The following EHBP1L1 variants were observed in gnomAD, a reference collection of about 807,000 sequenced individuals.
EHBP1L1 encodes the protein EH domain-binding protein 1-like protein 1.
Under a neutral mutation model 151.1 loss-of-function variants are expected in EHBP1L1, and 122 were observed. The observed-to-expected ratio is 0.81, with a 90% CI of 0.70 to 0.94. The LOEUF (loss-of-function observed/expected upper bound fraction) is 0.94, where lower values mean the gene tolerates loss of function less well. EHBP1L1 is among the 40% of genes least tolerant of loss of function. The pLI is 0.00. For synonymous variants in EHBP1L1, 878 were observed against 810.1 expected, an observed-to-expected ratio of 1.08 and a Z score of -1.42; for missense variants, 1,941 against 1,959.8, an observed-to-expected ratio of 0.99 and a Z score of 0.18.
At chr11:65,590,319 C>T (rs1858204449) in intron 15 of EHBP1L1, 109 bp downstream of exon 15, 3 of 1,536,432 alleles carry the variant, frequency 2.0e-6, no homozygotes, top group African/African-American at 1.4e-5. Context: ...CGGCTGGCAT[C>T]AGCGTTCCCA....
At position 65,581,126 on chromosome 11, in the gene EHBP1L1, G is replaced by A; in HGVS notation, c.703G>A (p.Val235Ile). 6.2e-7 allele frequency: 1 copy of A among 1,613,030 alleles called. No individual in the cohort carries two copies. Among genetic ancestry groups the A allele is most frequent in the Non-Finnish European group, 8.5e-7 (1 of 1,179,700 alleles). The stretch of plus-strand genomic sequence containing the variant: ...AGGCCAAGGACGACCCCAGCAGGCA[G>A]GTGAGACCCAGGCTGGGGTTGGGGG... The part of the protein sequence containing the change: ...EEGQGRPQQA[V>I]ASPSNAEDTS... Residue 235 changes from valine (V) to isoleucine (I), a missense_variant and splice_region_variant, in exon 7 of 19, where the codon GTT (valine) becomes ATT (isoleucine). Coordinates refer to ENST00000309295, the MANE Select transcript of EHBP1L1 (RefSeq NM_001099409.3).
At chr11:65,584,128 G>T (rs1857799195) in intron 9 of EHBP1L1, 113 bp from the exon 10 acceptor site, 13 of 1,505,796 alleles carry the variant, frequency 8.6e-6, no homozygotes, top group Non-Finnish European at 1.1e-5. Flanking sequence ...GGTCTCTGGT[G>T]ACCCCTGCAA....
In EHBP1L1 at chr11:65,585,029, T is replaced by C; in HGVS notation, c.3371T>C (p.Val1124Ala). 1.3e-6 allele frequency: 2 copies of C among 1,536,904 alleles called. No homozygotes were observed. The highest frequency in any genetic ancestry group is 1.7e-6 in the Non-Finnish European group (2 of 1,147,754). The change falls in exon 12 of 19, where the codon GTG becomes GCG. Residue 1124 changes from valine (V) to alanine (A), a missense_variant. Transcript: ENST00000309295. The surrounding 1 kb of genome is among the most constrained non-coding windows in gnomAD (Gnocchi z 4.0). The stretch of plus-strand genomic sequence containing the variant: ...CCCGCGGACATGGTGCTACTGTCGG[T>C]GCCCGACAAGCTCATCGTCATGACG... Reference protein sequence around the residue: ...LEPADMVLLSVPDKLIVMTYL... With the variant: ...LEPADMVLLSAPDKLIVMTYL...
intron 1 of EHBP1L1, among the ~76,000 whole-genome samples, chr11:65,577,372 CTG>C (rs1024151677): frequency 9.8e-5 from 15 of 152,358 alleles, no homozygotes; most frequent in Non-Finnish European, 2.2e-4. Context: ...CTTGCCCACA[CTG>C]GGCCTGCTAG....
At position 65,581,659 on chromosome 11, in the gene EHBP1L1, GGCTCCTCCAGCA is replaced by G; in HGVS notation, c.989_1000del (p.Ala330_Ala333del). On this transcript the variant is annotated inframe_deletion, in exon 9 of 19. Transcript: ENST00000309295. ...AAGATGAGGTCCCCAAAGCCTCAGG[GGCTCCTCCAGCA>G]GGATTGGGCTCTGCTAGGGAGACCC... is the stretch of plus-strand genomic sequence containing the variant. 1 of 1,562,320 alleles carries G rather than the reference GGCTCCTCCAGCA, an allele frequency of 6.4e-7. No homozygotes were observed. The highest frequency in any genetic ancestry group is 1.2e-5 in the South Asian group (1 of 85,168).
rs748026069 is a variant in EHBP1L1, at chr11:65,591,886, C to A, written c.4357+13C>A. 27 of 1,579,826 alleles carry A rather than the reference C, an allele frequency of 1.7e-5. No homozygotes were observed. The highest frequency in any genetic ancestry group is 2.2e-5 in the Non-Finnish European group (25 of 1,161,724). On this transcript the variant is annotated intron_variant, in intron 17 of 18. Transcript: ENST00000309295. ...CTGGCCATCGAAGGTGGGACATGGG[C>A]TCAGGGGCCGGGAGGCAAGACAGAG...
intron 1 of EHBP1L1, among the ~76,000 whole-genome samples, chr11:65,577,583 C>A (rs896509074): frequency 2.6e-5 from 4 of 152,076 alleles, no homozygotes; most frequent in South Asian, 4.1e-4. Flanking sequence ...TAGCCTGGAG[C>A]CCAGGCCGGG....
intron 6 of EHBP1L1, 111 bp downstream of exon 6, chr11:65,580,590 C>T (rs1262196871): frequency 1.4e-6 from 2 of 1,407,528 alleles, no homozygotes; most frequent in African/African-American, 1.4e-5. Context: ...TCATTACTGC[C>T]CAGGCAGTCC....
At position 65,580,242 on chromosome 11, in the gene EHBP1L1, G is replaced by A; in HGVS notation, c.474G>A (p.Leu158=). 6.2e-7 allele frequency: 1 copy of A among 1,613,558 alleles called. No homozygotes were observed. Among genetic ancestry groups the A allele is most frequent in the African/African-American group, 1.3e-5 (1 of 75,064 alleles). The change falls in exon 5 of 19, where the codon CTG becomes CTA. Residue 158 remains leucine, a synonymous_variant. Coordinates refer to ENST00000309295, the MANE Select transcript of EHBP1L1 (RefSeq NM_001099409.3). ...ELSLTLSGVL[L]REGRATDDDM... ...GCCTCACTCTTTCCGGGGTGCTGCT[G>A]CGGGAGGGCCGTGCCACGTGAGTGC...
intron 3 of EHBP1L1, 82 bp downstream of exon 3, chr11:65,579,518 T>A: frequency 8.6e-7 from 1 of 1,164,318 alleles, no homozygotes; most frequent in Non-Finnish European, 1.2e-6. Context: ...CCTGGTAGGT[T>A]GTTCATCCAG....
rs1405523961 is a variant in EHBP1L1, at chr11:65,582,722, G to A, written c.2050G>A (p.Asp684Asn). Residue 684 changes from aspartate to asparagine, a missense_variant, in exon 9 of 19, where the codon GAT becomes AAT. Coordinates refer to ENST00000309295, the MANE Select transcript of EHBP1L1 (RefSeq NM_001099409.3). ...EVLVTQEISG[D>N]LGPLKIEDTI... Reference sequence around the variant, plus strand: ...ACTGGTGACCCAGGAGATATCTGGGGATTTAGGGCCACTGAAGATAGAAGA... The same window carrying A: ...ACTGGTGACCCAGGAGATATCTGGGAATTTAGGGCCACTGAAGATAGAAGA... 1 of 1,613,602 alleles carries A rather than the reference G, an allele frequency of 6.2e-7. No homozygotes were observed. Among genetic ancestry groups the A allele is most frequent in the South Asian group, 1.1e-5 (1 of 91,084 alleles).
At chr11:65,584,879 C>A in intron 11 of EHBP1L1, 80 bp from the exon 12 acceptor site, 3 of 1,491,906 alleles carry the variant, frequency 2.0e-6, no homozygotes, top group Middle Eastern at 2.4e-4. Flanking sequence ...CCGGGGACCC[C>A]CTCCGTGGGG....
chr11:65,583,936 T>TA (rs1857787282), intron 9 of EHBP1L1, 171 bp downstream of exon 9: 7 of 1,416,456 alleles, frequency 4.9e-6, no homozygotes, highest in Non-Finnish European at 6.4e-6. Context: ...CTGGCTCTCT[T>TA]ACCCCATCTT....
At chr11:65,578,046 C>T (rs1857412250) in intron 1 of EHBP1L1, among the ~76,000 whole-genome samples, 1 of 152,200 alleles carries the variant, frequency 6.6e-6, no homozygotes, top group Non-Finnish European at 1.5e-5. Flanking sequence ...GGGCCCTCTG[C>T]CCCCAGGCCC....
At chr11:65,584,654 T>G in intron 11 of EHBP1L1, 120 bp downstream of exon 11, 1 of 1,295,232 alleles carries the variant, frequency 7.7e-7, no homozygotes, top group South Asian at 1.3e-5. Flanking sequence ...GTTCTGCCAC[T>G]TTTTACCCCT....
chr11:65,591,767 C>T (rs768662245), intron 16 of EHBP1L1, 33 bp from the exon 17 acceptor site: 7 of 815,848 alleles, frequency 8.6e-6, no homozygotes, highest in African/African-American at 1.7e-5. Context: ...TGAACTGCCA[C>T]CCCCCCGCCA....
At position 65,582,463 on chromosome 11, in the gene EHBP1L1, T is replaced by A. The variant is rs184807439; in HGVS notation, c.1791T>A (p.Thr597=). 2 of 1,612,612 alleles carry A rather than the reference T, an allele frequency of 1.2e-6. No homozygotes were observed. The highest frequency in any genetic ancestry group is 2.2e-5 in the East Asian group (1 of 44,842). Residue 597 remains threonine (T), a synonymous_variant, in exon 9 of 19, where the codon ACT becomes ACA. Transcript: ENST00000309295. ...KEVEGSGFPE[T]RTLEIEILGA... Reference sequence around the variant, plus strand: ...TTGAGGGGTCAGGGTTCCCAGAGACTAGGACACTAGAAATTGAGATATTGG... The same window carrying A: ...TTGAGGGGTCAGGGTTCCCAGAGACAAGGACACTAGAAATTGAGATATTGG...
rs774233856 is a variant in EHBP1L1, at chr11:65,583,086, A to G, written c.2414A>G (p.Glu805Gly). The G allele has an allele frequency of 7.4e-6, 12 of 1,612,926 alleles. No individual in the cohort carries two copies. The South Asian group carries it at 1.3e-4, about 18-fold the overall frequency. Residue 805 changes from glutamate to glycine, a missense_variant, in exon 9 of 19, where the codon GAG becomes GGG. Glu to Gly is a moderately conservative substitution (Grantham distance 98, BLOSUM62 -2). Transcript: ENST00000309295. ...GIQVKEVGGS[E>G]VPEIATGTAE... ...CAGGTGAAAGAGGTTGGGGGTTCAG[A>G]GGTTCCAGAGATAGCGACTGGGACA...
At chr11:65,577,516 G>A (rs77116605) in intron 1 of EHBP1L1, among the ~76,000 whole-genome samples, 1,661 of 152,304 alleles carry the variant, frequency 0.011, 31 homozygotes, top group African/African-American at 0.038. Flanking sequence ...TGAGGGTGCC[G>A]GCAGTGTCAA....
Sources: allele counts gnomAD v4.1 joint callset (sites outside exome capture counted in the v4.1 genomes callset), GRCh38; gene constraint gnomAD v4.1.1; non-coding constraint Gnocchi (gnomAD v3.1); transcripts MANE v1.5; gene names NCBI Gene and HGNC (gene_info 2026-07-23, HGNC 2026-07-21).